FSTL5: variants seen among roughly 807,000 people sequenced by gnomAD.
FSTL5 encodes follistatin-related protein 5.
A neutral mutation model predicts 89.1 loss-of-function variants in FSTL5; 62 were observed. The ratio of observed to expected loss-of-function variants is 0.70; its 90% confidence interval spans 0.57 to 0.86. FSTL5 has a LOEUF of 0.86. FSTL5 is among the 40% of genes least tolerant of loss of function. The pLI, the probability that FSTL5 is intolerant of heterozygous loss-of-function variation, is 0.00. For missense variants in FSTL5, 1,057 were observed against 1,001.6 expected (o/e 1.06, Z -0.75); for synonymous variants, 383 against 346.2 (o/e 1.11, Z -1.18).
intron 13 of FSTL5, among the ~76,000 whole-genome samples, chr4:161,479,679 T>C (rs956076595): frequency 1.3e-5 from 2 of 152,164 alleles, no homozygotes; most frequent in African/African-American, 4.8e-5. Context: ...TTAGATTGTA[T>C]ATTCATAAAA....
intron 7 of FSTL5, among the ~76,000 whole-genome samples, chr4:161,598,701 C>G (rs6536600): frequency 1.3e-5 from 2 of 151,734 alleles, no homozygotes; most frequent in African/African-American, 4.8e-5. Flanking sequence ...TGATATGTGA[C>G]AGACATAGCA....
At position 161,862,887 on chromosome 4, in the gene FSTL5, A is replaced by G. The variant is rs185391379; in HGVS notation, c.409+57517T>C. On this transcript the variant is annotated intron_variant, in intron 4 of 15. Coordinates refer to ENST00000306100, the MANE Select transcript of FSTL5 (RefSeq NM_020116.5). ...AAAAATAAAAGCTGTAAATGTATGG[A>G]TGAGTAAAAAATATATGTATTGCTA... Among the ~76,000 whole-genome samples, 45 of 152,310 alleles carry G rather than the reference A, an allele frequency of 3.0e-4. No homozygotes were observed. The East Asian group carries it at 8.5e-3, about 29-fold the overall frequency.
chr4:161,661,225 A>T (rs1303584853), intron 6 of FSTL5, among the ~76,000 whole-genome samples: 1 of 152,178 alleles, frequency 6.6e-6, no homozygotes, highest in Non-Finnish European at 1.5e-5. Context: ...CATAACCAAG[A>T]TTCTGCTTTT....
chr4:161,984,817 A>G (rs1283809091), intron 3 of FSTL5, among the ~76,000 whole-genome samples: 1 of 152,198 alleles, frequency 6.6e-6, no homozygotes, highest in Non-Finnish European at 1.5e-5. Context: ...AAATTTGGCT[A>G]TATATCAAAA....
intron 8 of FSTL5, among the ~76,000 whole-genome samples, chr4:161,574,559 G>A (rs1311008548): frequency 6.6e-6 from 1 of 151,942 alleles, no homozygotes; most frequent in Non-Finnish European, 1.5e-5. Flanking sequence ...TCCCCTCCCT[G>A]TGTCCATGTG....
intron 6 of FSTL5, among the ~76,000 whole-genome samples, chr4:161,700,920 T>G (rs1392382094): frequency 6.6e-6 from 1 of 152,180 alleles, no homozygotes; most frequent in African/African-American, 2.4e-5. Flanking sequence ...ATAATGTAGT[T>G]TGGAGCTTCT....
chr4:161,961,699 A>G (rs973714311), intron 3 of FSTL5, among the ~76,000 whole-genome samples: 10 of 151,626 alleles, frequency 6.6e-5, no homozygotes, highest in South Asian at 2.1e-4. Flanking sequence ...TTCTCCATAG[A>G]AAAAAAAGAA....
intron 2 of FSTL5, among the ~76,000 whole-genome samples, chr4:162,061,759 C>A (rs1034808664): frequency 2.6e-5 from 4 of 152,022 alleles, no homozygotes; most frequent in African/African-American, 9.7e-5. Context: ...GGCAGCCCTA[C>A]CTGAAGATGA....
At chr4:161,526,026 T>C (rs1388831531) in intron 10 of FSTL5, among the ~76,000 whole-genome samples, 1 of 152,216 alleles carries the variant, frequency 6.6e-6, no homozygotes, top group Non-Finnish European at 1.5e-5. Context: ...TATTTATTTA[T>C]GATAATGAGT....
intron 15 of FSTL5, among the ~76,000 whole-genome samples, chr4:161,399,851 C>T (rs1731126984): frequency 6.6e-6 from 1 of 152,058 alleles, no homozygotes; most frequent in Non-Finnish European, 1.5e-5. Flanking sequence ...GTATGTACTA[C>T]AGTTAATTTT....
At chr4:161,940,393 C>T (rs952687463) in intron 3 of FSTL5, among the ~76,000 whole-genome samples, 2 of 151,530 alleles carry the variant, frequency 1.3e-5, no homozygotes, top group African/African-American at 2.4e-5. Flanking sequence ...AGCAAAATCT[C>T]CCCAAATTTG....
intron 15 of FSTL5, among the ~76,000 whole-genome samples, chr4:161,442,848 C>A (rs1351449088): frequency 1.3e-5 from 2 of 152,096 alleles, no homozygotes; most frequent in Non-Finnish European, 2.9e-5. Flanking sequence ...ATCTTAGACT[C>A]TTTCTCTTAT....
At chr4:162,115,639 T>C (rs1327340741) in intron 1 of FSTL5, among the ~76,000 whole-genome samples, 1 of 152,236 alleles carries the variant, frequency 6.6e-6, no homozygotes, top group East Asian at 1.9e-4. Context: ...ACAACCTCAT[T>C]ATTAACTTGA....
intron 6 of FSTL5, among the ~76,000 whole-genome samples, chr4:161,713,539 C>A (rs989873074): frequency 6.6e-6 from 1 of 152,156 alleles, no homozygotes; most frequent in Non-Finnish European, 1.5e-5. Context: ...ACAGAACACA[C>A]TTTAACTGTT....
intron 12 of FSTL5, among the ~76,000 whole-genome samples, 157 bp downstream of exon 12, chr4:161,499,859 A>G (rs895021958): frequency 2.6e-5 from 4 of 152,154 alleles, no homozygotes; most frequent in African/African-American, 9.7e-5. Context: ...CTCCTCAGAT[A>G]TAAAACCTAA....
chr4:161,607,049 C>CA, intron 7 of FSTL5, among the ~76,000 whole-genome samples: 1 of 151,906 alleles, frequency 6.6e-6, no homozygotes, highest in East Asian at 1.9e-4. Flanking sequence ...TGTTTTACAA[C>CA]AAAAAAAGGT....
Position 161,773,275 on chromosome 4 carries a change from T to A in FSTL5, c.606+2603A>T, listed in dbSNP as rs771517386. Among the ~76,000 whole-genome samples, 2 of 152,130 alleles carry A rather than the reference T, an allele frequency of 1.3e-5. 1 individual carries two copies. Among genetic ancestry groups the A allele is most frequent in the South Asian group, 4.1e-4 (2 of 4,834 alleles). Reference sequence around the variant, plus strand: ...AACATCAGAAAAACCTTTCTAGACATTGGCTTAGGCAAAGACTTCATGACC... The same window carrying A: ...AACATCAGAAAAACCTTTCTAGACAATGGCTTAGGCAAAGACTTCATGACC... On this transcript the variant is annotated intron_variant, in intron 5 of 15. Transcript: ENST00000306100.
chr4:161,743,148 T>C (rs1394222773), intron 6 of FSTL5, among the ~76,000 whole-genome samples: 2 of 152,186 alleles, frequency 1.3e-5, no homozygotes, highest in Non-Finnish European at 2.9e-5. Context: ...AAGCCAATGT[T>C]ATGAAGAGTT....
intron 6 of FSTL5, among the ~76,000 whole-genome samples, chr4:161,663,465 CA>C (rs369501336): frequency 3.3e-5 from 5 of 152,214 alleles, no homozygotes; most frequent in East Asian, 1.9e-4. Context: ...TCCAGGGGGC[CA>C]GTCACATTTT....
Sources: gnomAD v4.1 joint callset for allele counts (sites outside exome capture counted in the v4.1 genomes callset) on GRCh38, gnomAD v4.1.1 for gene constraint, MANE v1.5 for transcripts, NCBI Gene and HGNC (gene_info 2026-07-23, HGNC 2026-07-21) for gene names.